The following DEFA5 variants were observed in gnomAD, a reference collection of about 807,000 sequenced individuals.
DEFA5 encodes HD5(20-94).
DEFA5 carries 11 observed loss-of-function variants against 8.7 expected under a neutral mutation model. The ratio of observed to expected loss-of-function variants is 1.26; its 90% CI spans 0.80 to 2.09. The LOEUF (loss-of-function observed/expected upper bound fraction) is 2.09. Among genes scored for constraint, DEFA5 ranks in the 30% most tolerant of loss-of-function variants. DEFA5 has a pLI of 0.00. For missense variants in DEFA5, 181 were observed against 117.2 expected, an observed-to-expected ratio of 1.54 and a Z score of -2.52; for synonymous variants, 52 against 43.9, an observed-to-expected ratio of 1.18 and a Z score of -0.73.
chr8:7,055,443 G>C lies in DEFA5; in HGVS notation c.273C>G (p.Leu91=). The C allele has an allele frequency of 6.2e-7, 1 of 1,613,802 alleles. No individual in the cohort carries two copies. Among genetic ancestry groups the C allele is most frequent in the South Asian group, 1.1e-5 (1 of 91,002 alleles). Residue 91 remains leucine, a synonymous_variant, in exon 2 of 2, where the codon CTC becomes CTG. Transcript: ENST00000330590. Reference sequence around the variant, plus strand: ...CTATCTAGGAAGCTCAGCGACAGCAGAGTCTGTAGAGGCGGCCACTGATTT... The same window carrying C: ...CTATCTAGGAAGCTCAGCGACAGCACAGTCTGTAGAGGCGGCCACTGATTT... ...VCEISGRLYR[L]CCR
chr8:7,055,995 T>G (rs1812410129), intron 1 of DEFA5, among the ~76,000 whole-genome samples: 2 of 147,232 alleles, frequency 1.4e-5, no homozygotes, highest in African/African-American at 5.0e-5. Flanking sequence ...AAATTCAAAT[T>G]CTTCATTCTC....
At position 7,056,689 on chromosome 8, in the gene DEFA5, G is replaced by A; in HGVS notation, c.9C>T (p.Thr3=). MR[T]IAILAAILLV... ...GGAGAATGGCAGCAAGGATGGCGAT[G>A]GTCCTCATGGCTGGGGTCACCTGCA... The change falls in exon 1 of 2, where the codon ACC becomes ACT. Residue 3 remains threonine, a synonymous_variant. Coordinates refer to ENST00000330590, the MANE Select transcript of DEFA5 (RefSeq NM_021010.3). The A allele has an allele frequency of 6.2e-7, 1 of 1,611,542 alleles. No individual in the cohort carries two copies.
At position 7,055,503 on chromosome 8, in the gene DEFA5, A is replaced by G; in HGVS notation, c.213T>C (p.Arg71=). The G allele has an allele frequency of 6.2e-7, 1 of 1,613,726 alleles. No individual in the cohort carries two copies. The highest frequency in any genetic ancestry group is 8.5e-7 in the Non-Finnish European group (1 of 1,179,882). ...ARATCYCRTG[R]CATRESLSGV... ...CGGAGAGGGACTCACGGGTAGCACA[A>G]CGGCCGGTTCGGCAATAGCAGGTGG... Residue 71 remains arginine, a synonymous_variant, in exon 2 of 2, where the codon CGT becomes CGC. Transcript: ENST00000330590.
At chr8:7,055,702 G>C (rs562484968) in intron 1 of DEFA5, among the ~76,000 whole-genome samples, 159 bp from the exon 2 acceptor site, 6 of 152,162 alleles carry the variant, frequency 3.9e-5, no homozygotes, top group Non-Finnish European at 5.9e-5. Flanking sequence ...AATCTTACTA[G>C]CTATGTGTTA....
chr8:7,056,667 G>C lies in DEFA5; in HGVS notation c.31C>G (p.Leu11Val). ...GCCTGGGCCTGCAGGGCCACCAGGA[G>C]AATGGCAGCAAGGATGGCGATGGTC... MRTIAILAAI[L>V]LVALQAQAES... The change falls in exon 1 of 2, where the codon CTC becomes GTC. Residue 11 changes from leucine to valine, a missense_variant. By Grantham distance (32) the Leu-to-Val change is conservative. Coordinates refer to ENST00000330590, the MANE Select transcript of DEFA5 (RefSeq NM_021010.3). 2 of 1,613,506 alleles carry C rather than the reference G, an allele frequency of 1.2e-6. No homozygotes were observed. The highest frequency in any genetic ancestry group is 1.3e-5 in the African/African-American group (1 of 75,048).
Position 7,055,351 on chromosome 8 carries a change from A to C in DEFA5, c.*80T>G. 9.9e-7 allele frequency: 1 copy of C among 1,007,318 alleles called. No individual in the cohort carries two copies. Among genetic ancestry groups the C allele is most frequent in the Non-Finnish European group, 1.5e-6 (1 of 656,292 alleles). 62.4% of individuals were successfully genotyped at this position (1,007,318 alleles called of 1,614,324 possible). A position where few individuals can be genotyped will look rare whatever the true frequency, so the allele number is the denominator to read the frequency against. ...GGAGAGAGAAATTTAGAAAGACACA[A>C]GGTACACAGAGTAAAATGTTTTTCT... On this transcript the variant is annotated 3_prime_UTR_variant, in exon 2 of 2. Transcript: ENST00000330590.
Position 7,055,463 on chromosome 8 carries a change from T to C in DEFA5, c.253A>G (p.Ser85Gly), listed in dbSNP as rs1812384024. The change falls in exon 2 of 2, where the codon AGT (serine) becomes GGT (glycine). Residue 85 changes from serine to glycine, a missense_variant. Physicochemically the swap from Ser to Gly is moderately conservative, Grantham distance 56. Coordinates refer to ENST00000330590, the MANE Select transcript of DEFA5 (RefSeq NM_021010.3). ...RESLSGVCEI[S>G]GRLYRLCCR ...CAGCAGAGTCTGTAGAGGCGGCCAC[T>C]GATTTCACACACCCCGGAGAGGGAC... 2 of 1,613,916 alleles carry C rather than the reference T, an allele frequency of 1.2e-6. No homozygotes were observed. Among genetic ancestry groups the C allele is most frequent in the Non-Finnish European group, 1.7e-6 (2 of 1,179,934 alleles).
At chr8:7,056,066 A>G (rs976066686) in intron 1 of DEFA5, among the ~76,000 whole-genome samples, 4 of 121,396 alleles carry the variant, frequency 3.3e-5, no homozygotes, top group Admixed American at 1.8e-4. Context: ...ACTTGTTTTA[A>G]TTGACAAACA....
Position 7,055,417 on chromosome 8 carries a change from TCTATCTAGGA to T in DEFA5, c.*4_*13del. On this transcript the variant is annotated 3_prime_UTR_variant, in exon 2 of 2. Coordinates refer to ENST00000330590, the MANE Select transcript of DEFA5 (RefSeq NM_021010.3). ...AACTGAATCTTGCACTGCTTTGGTT[TCTATCTAGGA>T]AGCTCAGCGACAGCAGAGTCTGTAG... 2 of 1,607,136 alleles carry T rather than the reference TCTATCTAGGA, an allele frequency of 1.2e-6. No homozygotes were observed. The highest frequency in any genetic ancestry group is 1.7e-6 in the Non-Finnish European group (2 of 1,174,448).
Position 7,055,356 on chromosome 8 carries a change from C to G in DEFA5, c.*75G>C. 9.3e-7 allele frequency: 1 copy of G among 1,079,278 alleles called. No individual in the cohort carries two copies. The highest frequency in any genetic ancestry group is 1.4e-6 in the Non-Finnish European group (1 of 717,720). The allele number at this position is 1,079,278 out of a possible 1,614,324, so 66.9% of individuals were successfully genotyped here. A position where few individuals can be genotyped will look rare whatever the true frequency, so the allele number is the denominator to read the frequency against. ...GAGAAATTTAGAAAGACACAAGGTA[C>G]ACAGAGTAAAATGTTTTTCTTTTTT... is the stretch of plus-strand genomic sequence containing the variant. On this transcript the variant is annotated 3_prime_UTR_variant, in exon 2 of 2. Transcript: ENST00000330590.
chr8:7,055,429 G>A lies in DEFA5; in HGVS notation c.*2C>T, dbSNP rs1812381315. ...CACTGCTTTGGTTTCTATCTAGGAA[G>A]CTCAGCGACAGCAGAGTCTGTAGAG... On this transcript the variant is annotated 3_prime_UTR_variant, in exon 2 of 2. Coordinates refer to ENST00000330590, the MANE Select transcript of DEFA5 (RefSeq NM_021010.3). 2 of 1,612,022 alleles carry A rather than the reference G, an allele frequency of 1.2e-6. No individual in the cohort carries two copies. Among genetic ancestry groups the A allele is most frequent in the Non-Finnish European group, 1.7e-6 (2 of 1,178,602 alleles).
chr8:7,055,458 G>T lies in DEFA5; in HGVS notation c.258C>A (p.Gly86=), dbSNP rs202141234. ...AGCGACAGCAGAGTCTGTAGAGGCGGCCACTGATTTCACACACCCCGGAGA... is the reference window on the plus strand; with the variant it reads ...AGCGACAGCAGAGTCTGTAGAGGCGTCCACTGATTTCACACACCCCGGAGA... ...ESLSGVCEIS[G]RLYRLCCR The change falls in exon 2 of 2, where the codon GGC becomes GGA. Residue 86 remains glycine (G), a synonymous_variant. Coordinates refer to ENST00000330590, the MANE Select transcript of DEFA5 (RefSeq NM_021010.3). The T allele has an allele frequency of 6.2e-7, 1 of 1,613,780 alleles. No individual in the cohort carries two copies. The highest frequency in any genetic ancestry group is 8.5e-7 in the Non-Finnish European group (1 of 1,179,892).
intron 1 of DEFA5, among the ~76,000 whole-genome samples, chr8:7,056,109 T>C (rs979523418): frequency 2.0e-5 from 3 of 151,838 alleles, no homozygotes; most frequent in South Asian, 2.1e-4. Context: ...CACAATATGA[T>C]GTTTTGATCT....
rs371281245 is a variant in DEFA5, at chr8:7,056,504, G to A, written c.172+22C>T. On this transcript the variant is annotated intron_variant, in intron 1 of 1. Coordinates refer to ENST00000330590, the MANE Select transcript of DEFA5 (RefSeq NM_021010.3). ...TCCTTTTTTTCTAGATTTTGCAGATGTGCAAGATTGATGTCTCCTACCTGA... is the reference window on the plus strand; with the variant it reads ...TCCTTTTTTTCTAGATTTTGCAGATATGCAAGATTGATGTCTCCTACCTGA... The A allele has an allele frequency of 3.6e-5, 58 of 1,589,046 alleles. No homozygotes were observed. In the African/African-American group the frequency reaches 6.1e-4, roughly 17 times the overall value.
At chr8:7,055,653 G>C in intron 1 of DEFA5, 110 bp from the exon 2 acceptor site, 1 of 708,658 alleles carries the variant, frequency 1.4e-6, no homozygotes, top group Non-Finnish European at 2.5e-6. Flanking sequence ...AGTCATGTTA[G>C]GATGGAGAAA....
intron 1 of DEFA5, among the ~76,000 whole-genome samples, chr8:7,056,014 CTT>C (rs56220551): frequency 0.055 from 6,134 of 112,544 alleles, 170 homozygotes; most frequent in East Asian, 0.073. Flanking sequence ...TCTGTCTCTC[CTT>C]TTTTTTTTTT....
chr8:7,056,628 C>G lies in DEFA5; in HGVS notation c.70G>C (p.Glu24Gln), dbSNP rs1177987577. 1 of 1,614,146 alleles carries G rather than the reference C, an allele frequency of 6.2e-7. No homozygotes were observed. Among genetic ancestry groups the G allele is most frequent in the Non-Finnish European group, 8.5e-7 (1 of 1,179,968 alleles). ...TGGGTTGTAGCCTCATCAGCTCTTT[C>G]CTGGAGTGACTCAGCCTGGGCCTGC... is the stretch of plus-strand genomic sequence containing the variant. ...ALQAQAESLQ[E>Q]RADEATTQKQ... The change falls in exon 1 of 2, where the codon GAA becomes CAA. Residue 24 changes from glutamate (E) to glutamine (Q), a missense_variant. Coordinates refer to ENST00000330590, the MANE Select transcript of DEFA5 (RefSeq NM_021010.3).
Position 7,056,712 on chromosome 8 carries a change from GC to G in DEFA5, c.-16del. The G allele has an allele frequency of 6.2e-7, 1 of 1,603,050 alleles. No homozygotes were observed. Among genetic ancestry groups the G allele is most frequent in the Non-Finnish European group, 8.5e-7 (1 of 1,172,486 alleles). On this transcript the variant is annotated 5_prime_UTR_variant, in exon 1 of 2. Transcript: ENST00000330590. ...ATGGTCCTCATGGCTGGGGTCACCT[GC>G]AGGAGGGAGAGCAGGAGTGGATATG...
At position 7,055,346 on chromosome 8, in the gene DEFA5, A is replaced by G. The variant is rs556613911; in HGVS notation, c.*85T>C. ...ATTTTGGAGAGAGAAATTTAGAAAG[A>G]CACAAGGTACACAGAGTAAAATGTT... On this transcript the variant is annotated 3_prime_UTR_variant, in exon 2 of 2. Coordinates refer to ENST00000330590, the MANE Select transcript of DEFA5 (RefSeq NM_021010.3). The G allele has an allele frequency of 7.3e-5, 70 of 960,910 alleles. No individual in the cohort carries two copies. In the African/African-American group the frequency reaches 1.1e-3, roughly 15 times the overall value. 59.5% of individuals were successfully genotyped at this position (960,910 alleles called of 1,614,324 possible). A position where few individuals can be genotyped will look rare whatever the true frequency, so the allele number is the denominator to read the frequency against.
Sources: allele counts gnomAD v4.1 joint callset (sites outside exome capture counted in the v4.1 genomes callset), GRCh38; gene constraint gnomAD v4.1.1; transcripts MANE v1.5; gene names NCBI Gene and HGNC (gene_info 2026-07-23, HGNC 2026-07-21).